The following MACROD2 variants were observed in gnomAD, a reference collection of about 807,000 sequenced individuals.
The protein encoded by MACROD2 is mono-ADP ribosylhydrolase 2.
MACROD2 carries 36 observed loss-of-function variants against 70.4 expected under a neutral mutation model. That is an observed-to-expected ratio of 0.51 (90% confidence interval 0.39 to 0.68). The LOEUF is 0.68. MACROD2 is among the 30% of genes least tolerant of loss of function. MACROD2 has a pLI of 0.00. For synonymous variants in MACROD2, 172 were observed against 178.8 expected (o/e 0.96, Z 0.30); for missense variants, 496 against 538.4 (o/e 0.92, Z 0.78).
intron 8 of MACROD2, among the ~76,000 whole-genome samples, chr20:15,624,737 C>T (rs1304548154): frequency 1.3e-5 from 2 of 152,216 alleles, no homozygotes; most frequent in Non-Finnish European, 2.9e-5. Context: ...AACATTTTCT[C>T]TCTGGCCCTT....
intron 3 of MACROD2, among the ~76,000 whole-genome samples, chr20:14,364,007 C>T (rs2083249951): frequency 6.6e-6 from 1 of 151,916 alleles, no homozygotes; most frequent in South Asian, 2.1e-4. Flanking sequence ...TACTAATTAC[C>T]ATAAATCCGA....
chr20:15,012,885 C>G (rs1372637982), intron 5 of MACROD2, among the ~76,000 whole-genome samples: 1 of 152,140 alleles, frequency 6.6e-6, no homozygotes, highest in Non-Finnish European at 1.5e-5. Flanking sequence ...TTGGCCATGA[C>G]CCCTTGGAAG....
chr20:15,414,294 A>G (rs558586877), intron 6 of MACROD2, among the ~76,000 whole-genome samples: 1 of 152,332 alleles, frequency 6.6e-6, no homozygotes, highest in East Asian at 1.9e-4. Context: ...TATTGGTATC[A>G]TCTGGGAGCA....
At chr20:15,075,655 A>C (rs2075651851) in intron 5 of MACROD2, among the ~76,000 whole-genome samples, 1 of 152,088 alleles carries the variant, frequency 6.6e-6, no homozygotes, top group Admixed American at 6.5e-5. Flanking sequence ...GACTGCCTTC[A>C]TTTTCCCAGT....
intron 5 of MACROD2, among the ~76,000 whole-genome samples, chr20:14,811,652 A>C (rs2072712306): frequency 6.6e-6 from 1 of 152,258 alleles, no homozygotes; most frequent in Non-Finnish European, 1.5e-5. Flanking sequence ...CAACCTACAG[A>C]ATAGGAGAAA....
At chr20:15,008,213 G>A (rs758352286) in intron 5 of MACROD2, among the ~76,000 whole-genome samples, 12 of 152,100 alleles carry the variant, frequency 7.9e-5, no homozygotes, top group Non-Finnish European at 1.3e-4. Context: ...AGGCTTAGTG[G>A]CTCACATCTG....
At chr20:15,392,473 T>C (rs2045805517) in intron 6 of MACROD2, among the ~76,000 whole-genome samples, 1 of 152,184 alleles carries the variant, frequency 6.6e-6, no homozygotes, top group Admixed American at 6.5e-5. Flanking sequence ...CGTTTCAAGG[T>C]TGTTAGACTT....
chr20:15,360,327 G>C (rs756695996), intron 6 of MACROD2, among the ~76,000 whole-genome samples: 1 of 152,046 alleles, frequency 6.6e-6, no homozygotes, highest in Non-Finnish European at 1.5e-5. Flanking sequence ...TTTATGTGCA[G>C]GTTTTTGTGA....
chr20:14,271,141 G>C (rs1216852320), intron 3 of MACROD2, among the ~76,000 whole-genome samples: 1 of 152,150 alleles, frequency 6.6e-6, no homozygotes, highest in Non-Finnish European at 1.5e-5. Flanking sequence ...AGAGAGCAGT[G>C]ATTCTCCCAG....
intron 8 of MACROD2, among the ~76,000 whole-genome samples, chr20:15,730,665 G>A (rs867259707): frequency 9.9e-5 from 15 of 151,716 alleles, no homozygotes; most frequent in Middle Eastern, 3.4e-3. Flanking sequence ...TGGTGTTTTG[G>A]GGATAGTTCT....
At chr20:14,070,463 C>T (rs542380640) in intron 2 of MACROD2, among the ~76,000 whole-genome samples, 98 of 152,150 alleles carry the variant, frequency 6.4e-4, no homozygotes, top group South Asian at 2.9e-3. Flanking sequence ...ATTGTATATC[C>T]GTAAAACCTC....
intron 8 of MACROD2, among the ~76,000 whole-genome samples, chr20:15,530,716 C>CA (rs57826871): frequency 0.031 from 2,827 of 90,490 alleles, 120 homozygotes; most frequent in African/African-American, 0.088. Context: ...CTCCATCTCA[C>CA]AAAAAAAAAA....
chr20:15,010,341 T>C (rs2075073049), intron 5 of MACROD2, among the ~76,000 whole-genome samples: 1 of 152,204 alleles, frequency 6.6e-6, no homozygotes, highest in South Asian at 2.1e-4. Context: ...AAGCCACTTT[T>C]ATCTCTTCTG....
intron 5 of MACROD2, among the ~76,000 whole-genome samples, chr20:14,937,009 T>G (rs2074345653): frequency 6.6e-6 from 1 of 152,072 alleles, no homozygotes; most frequent in South Asian, 2.1e-4. Flanking sequence ...AAAGGAAGCT[T>G]TAGGCAAGTA....
At chr20:15,607,963 G>GA (rs1313103108) in intron 8 of MACROD2, among the ~76,000 whole-genome samples, 1 of 152,134 alleles carries the variant, frequency 6.6e-6, no homozygotes, top group Non-Finnish European at 1.5e-5. Flanking sequence ...TCTGAGTTGG[G>GA]AAAAAAATAG....
chr20:14,831,535 T>C (rs1364216798), intron 5 of MACROD2, among the ~76,000 whole-genome samples: 2 of 151,582 alleles, frequency 1.3e-5, no homozygotes, highest in East Asian at 1.9e-4. Flanking sequence ...TCCCAGCACT[T>C]TGGGAGGCCG....
intron 8 of MACROD2, among the ~76,000 whole-genome samples, chr20:15,794,616 T>A (rs1327608816): frequency 6.6e-6 from 1 of 152,216 alleles, no homozygotes; most frequent in Non-Finnish European, 1.5e-5. Flanking sequence ...GCTTCCTCTG[T>A]GCATGCTCTT....
chr20:15,319,622 C>T (rs1396842430), intron 6 of MACROD2, among the ~76,000 whole-genome samples: 1 of 152,172 alleles, frequency 6.6e-6, no homozygotes. Flanking sequence ...ACATCATCCC[C>T]TAGAATTTTC....
At chr20:14,643,317 G>A (rs73100689) in intron 4 of MACROD2, among the ~76,000 whole-genome samples, 11,117 of 152,212 alleles carry the variant, frequency 0.073, 500 homozygotes, top group Middle Eastern at 0.17. Flanking sequence ...GAACTTGTTG[G>A]TTGAGTGATG....
Sources: gnomAD v4.1 joint callset for allele counts (sites outside exome capture counted in the v4.1 genomes callset) on GRCh38, gnomAD v4.1.1 for gene constraint, MANE v1.5 for transcripts, NCBI Gene and HGNC (gene_info 2026-07-23, HGNC 2026-07-21) for gene names.